The following EEA1 variants were observed in gnomAD, a reference collection of about 807,000 sequenced individuals.
EEA1 encodes early endosome antigen 1, 162kD.
A neutral mutation model predicts 209.2 loss-of-function variants in EEA1; 111 were observed. That is an observed-to-expected ratio of 0.53 (90% CI 0.45 to 0.62). The LOEUF is 0.62. EEA1 is among the 20% of genes least tolerant of loss of function. The pLI is 0.00. For missense variants in EEA1, 1,343 were observed against 1,530.8 expected (o/e 0.88, Z 2.05); for synonymous variants, 536 against 540.6 (o/e 0.99, Z 0.12).
intron 1 of EEA1, among the ~76,000 whole-genome samples, chr12:92,912,192 T>A (rs1880605422): frequency 6.6e-6 from 1 of 152,176 alleles, no homozygotes; most frequent in African/African-American, 2.4e-5. Context: ...CGTCCCTTAT[T>A]TATATTTCCT....
At chr12:92,849,959 T>C (rs752384420) in intron 9 of EEA1, among the ~76,000 whole-genome samples, 16 of 152,140 alleles carry the variant, frequency 1.1e-4, no homozygotes, top group Non-Finnish European at 1.9e-4. Flanking sequence ...TATAATAAAG[T>C]AAAAAGGACA....
chr12:92,831,380 C>G (rs1308788110), intron 11 of EEA1, among the ~76,000 whole-genome samples: 1 of 150,834 alleles, frequency 6.6e-6, no homozygotes, highest in East Asian at 1.9e-4. Flanking sequence ...ATATTATTAA[C>G]CTATACAAAA....
intron 12 of EEA1, among the ~76,000 whole-genome samples, chr12:92,827,319 A>G (rs898836354): frequency 6.6e-6 from 1 of 152,198 alleles, no homozygotes; most frequent in African/African-American, 2.4e-5. Flanking sequence ...AAGCCATTAC[A>G]CTCCAGCCAG....
At chr12:92,784,685 TCATCTA>T (rs1402853969) in intron 22 of EEA1, among the ~76,000 whole-genome samples, 5 of 152,236 alleles carry the variant, frequency 3.3e-5, no homozygotes, top group African/African-American at 1.2e-4. Flanking sequence ...CTCTGAACTT[TCATCTA>T]CATCATTCAA....
At chr12:92,830,834 C>T (rs1876593124) in intron 11 of EEA1, among the ~76,000 whole-genome samples, 1 of 152,036 alleles carries the variant, frequency 6.6e-6, no homozygotes, top group Non-Finnish European at 1.5e-5. Flanking sequence ...GTAAGATTTG[C>T]CTTTAATATA....
chr12:92,801,074 T>C (rs1353860413), intron 20 of EEA1, among the ~76,000 whole-genome samples: 2 of 152,204 alleles, frequency 1.3e-5, no homozygotes, highest in Non-Finnish European at 2.9e-5. Context: ...TGTTTACTCA[T>C]TTGCTTGTCT....
At chr12:92,830,009 TG>T (rs1876547506) in intron 11 of EEA1, among the ~76,000 whole-genome samples, 3 of 117,600 alleles carry the variant, frequency 2.6e-5, no homozygotes, top group Non-Finnish European at 3.6e-5. Context: ...TTAGGGAGAG[TG>T]TGGGGGGGGC....
chr12:92,861,416 T>C (rs953493386), intron 3 of EEA1, among the ~76,000 whole-genome samples: 7 of 152,110 alleles, frequency 4.6e-5, no homozygotes, highest in African/African-American at 1.7e-4. Flanking sequence ...GATTGTGCCA[T>C]TGCACTCCAG....
intron 1 of EEA1, among the ~76,000 whole-genome samples, chr12:92,910,283 G>A (rs1382021163): frequency 1.3e-5 from 2 of 151,828 alleles, no homozygotes; most frequent in African/African-American, 2.4e-5. Flanking sequence ...CAGCCTGACC[G>A]ACATGGTGAA....
chr12:92,882,276 T>C (rs1565848661), intron 2 of EEA1, among the ~76,000 whole-genome samples: 1 of 151,942 alleles, frequency 6.6e-6, no homozygotes, highest in African/African-American at 2.4e-5. Context: ...ACTGGCTAAT[T>C]TTTGTATTTT....
In EEA1 at chr12:92,852,876, T is replaced by C. The variant is rs368777022; in HGVS notation, c.520+36A>G. 3 of 1,474,188 alleles carry C rather than the reference T, an allele frequency of 2.0e-6. No individual in the cohort carries two copies. In the African/African-American group the frequency reaches 4.2e-5, roughly 21 times the overall value. The allele number at this position is 1,474,188 out of a possible 1,614,324, so 91.3% of individuals were successfully genotyped here. On this transcript the variant is annotated intron_variant, in intron 7 of 28. Coordinates refer to ENST00000322349, the MANE Select transcript of EEA1 (RefSeq NM_003566.4). Reference sequence around the variant, plus strand: ...ATATAATGGCAAAAAGGTAATGAGATTGATTTATTGGCTAAAAAATTCTAA... The same window carrying C: ...ATATAATGGCAAAAAGGTAATGAGACTGATTTATTGGCTAAAAAATTCTAA...
At chr12:92,798,805 C>G in intron 21 of EEA1, 87 bp downstream of exon 21, 1 of 1,015,430 alleles carries the variant, frequency 9.8e-7, no homozygotes, top group Non-Finnish European at 1.4e-6. Flanking sequence ...TTCAATGTTG[C>G]AACTTATCCA....
chr12:92,848,851 G>A (rs1419160570), intron 9 of EEA1, among the ~76,000 whole-genome samples: 1 of 143,996 alleles, frequency 6.9e-6, no homozygotes, highest in Admixed American at 7.4e-5. Context: ...TCTCACCTCA[G>A]CTTCCCACCT....
intron 1 of EEA1, among the ~76,000 whole-genome samples, chr12:92,896,977 C>T (rs1032959465): frequency 4.0e-5 from 6 of 151,862 alleles, no homozygotes; most frequent in South Asian, 2.1e-4. Flanking sequence ...GCATTTGAGA[C>T]CACTCTGGGC....
rs578108007 is a variant in EEA1, at chr12:92,841,720, AAAAG to A, written c.915+741_915+744del. Among the ~76,000 whole-genome samples, 340 of 152,342 alleles carry A rather than the reference AAAAG, an allele frequency of 2.2e-3. 1 individual carries two copies. The highest frequency in any genetic ancestry group is 7.7e-3 in the African/African-American group (322 of 41,578). On this transcript the variant is annotated intron_variant, in intron 10 of 28. Coordinates refer to ENST00000322349, the MANE Select transcript of EEA1 (RefSeq NM_003566.4). ...TTAAGATGGCTACTCTCAAAAAAGA[AAAAG>A]AAAGTAAGTGTTGGTGAGGATGTAG... is the stretch of plus-strand genomic sequence containing the variant.
At chr12:92,900,611 T>C (rs1880105325) in intron 1 of EEA1, among the ~76,000 whole-genome samples, 1 of 151,784 alleles carries the variant, frequency 6.6e-6, no homozygotes, top group African/African-American at 2.4e-5. Flanking sequence ...AAAAAGTAAA[T>C]GGCGAAAATG....
At chr12:92,890,469 AAG>A (rs1171744457) in intron 2 of EEA1, among the ~76,000 whole-genome samples, 1 of 152,204 alleles carries the variant, frequency 6.6e-6, no homozygotes, top group Non-Finnish European at 1.5e-5. Flanking sequence ...GAAGGTTAAA[AAG>A]AGACAGATTT....
intron 16 of EEA1, among the ~76,000 whole-genome samples, chr12:92,812,229 T>C (rs538540628): frequency 9.2e-5 from 14 of 152,092 alleles, no homozygotes; most frequent in African/African-American, 3.1e-4. Flanking sequence ...CTTGGGAGGC[T>C]GAGGCAGGAG....
chr12:92,885,652 C>T (rs1469172596), intron 2 of EEA1, among the ~76,000 whole-genome samples: 1 of 152,192 alleles, frequency 6.6e-6, no homozygotes, highest in Non-Finnish European at 1.5e-5. Context: ...CAGTTAACGG[C>T]ACCTCTCTAA....
Sources: allele counts gnomAD v4.1 joint callset (sites outside exome capture counted in the v4.1 genomes callset), GRCh38; gene constraint gnomAD v4.1.1; transcripts MANE v1.5; gene names NCBI Gene and HGNC (gene_info 2026-07-23, HGNC 2026-07-21).